ADAMTSL1: variants seen among roughly 807,000 people sequenced by gnomAD.
ADAMTSL1 encodes ADAMTS like 1, also known as ADAMTS-like protein 1.
Under a neutral mutation model 201.8 loss-of-function variants are expected in ADAMTSL1, and 126 were observed. That is an observed-to-expected ratio of 0.62 (90% CI 0.54 to 0.72). The LOEUF (loss-of-function observed/expected upper bound fraction) is 0.72. Among genes scored for constraint, ADAMTSL1 ranks in the 30% least tolerant of loss-of-function variants. The pLI is 0.00. For missense variants in ADAMTSL1, 2,679 were observed against 2,277.8 expected, an observed-to-expected ratio of 1.18 and a Z score of -3.59; for synonymous variants, 1,121 against 903.4, an observed-to-expected ratio of 1.24 and a Z score of -4.32.
At chr9:18,538,002 AAGGAGG>A (rs1005052717) in intron 3 of ADAMTSL1, among the ~76,000 whole-genome samples, 7 of 151,498 alleles carry the variant, frequency 4.6e-5, no homozygotes, top group Non-Finnish European at 7.4e-5. Flanking sequence ...GAAGAAGAAG[AAGGAGG>A]AGGAGGAGGA....
intron 15 of ADAMTSL1, among the ~76,000 whole-genome samples, chr9:18,742,484 G>A (rs1283122442): frequency 6.6e-6 from 1 of 152,208 alleles, no homozygotes; most frequent in Non-Finnish European, 1.5e-5. Context: ...ACTTAGAATA[G>A]CTGTGTAGTA....
At chr9:18,405,297 G>A (rs1269636428) in intron 2 of ADAMTSL1, among the ~76,000 whole-genome samples, 1 of 152,176 alleles carries the variant, frequency 6.6e-6, no homozygotes, top group Non-Finnish European at 1.5e-5. Context: ...CCTCAGCACA[G>A]CTGCTGTGTT....
chr9:18,051,039 C>T (rs569412498), intron 1 of ADAMTSL1, among the ~76,000 whole-genome samples: 2 of 152,302 alleles, frequency 1.3e-5, no homozygotes, highest in South Asian at 2.1e-4. Flanking sequence ...CAGTGGCTCA[C>T]GCCTGTAATC....
chr9:18,903,710 AGGT>A (rs1830133671), intron 26 of ADAMTSL1, among the ~76,000 whole-genome samples: 2 of 99,632 alleles, frequency 2.0e-5, no homozygotes, highest in African/African-American at 8.4e-5. Context: ...TGGTATCCAC[AGGT>A]GATTGATTGG....
chr9:18,282,464 C>A (rs960818559), intron 2 of ADAMTSL1, among the ~76,000 whole-genome samples: 1 of 152,150 alleles, frequency 6.6e-6, no homozygotes, highest in South Asian at 2.1e-4. Flanking sequence ...GTGGGAATTT[C>A]TCAGATTAAT....
chr9:18,111,194 A>G (rs1324193686), intron 1 of ADAMTSL1, among the ~76,000 whole-genome samples: 4 of 152,194 alleles, frequency 2.6e-5, no homozygotes, highest in East Asian at 3.8e-4. Flanking sequence ...CTAACTGTCT[A>G]TGCTATCTTC....
chr9:18,287,322 TAC>T (rs112789682), intron 2 of ADAMTSL1, among the ~76,000 whole-genome samples: 4,206 of 151,904 alleles, frequency 0.028, 155 homozygotes, highest in African/African-American at 0.087. Flanking sequence ...TATGTATGTA[TAC>T]ACACACACAC....
chr9:18,450,351 C>T (rs1002990796), intron 2 of ADAMTSL1, among the ~76,000 whole-genome samples: 6 of 152,062 alleles, frequency 3.9e-5, no homozygotes, highest in Non-Finnish European at 7.4e-5. Flanking sequence ...CTGTATTCAA[C>T]TTATACCTCA....
intron 2 of ADAMTSL1, among the ~76,000 whole-genome samples, chr9:18,419,218 G>A (rs1453439766): frequency 2.0e-5 from 3 of 152,112 alleles, no homozygotes; most frequent in Admixed American, 6.6e-5. Context: ...ATTTATCTAA[G>A]TTCAAAGTGT....
intron 1 of ADAMTSL1, among the ~76,000 whole-genome samples, chr9:18,110,177 C>G (rs957592828): frequency 2.6e-5 from 4 of 152,156 alleles, no homozygotes; most frequent in African/African-American, 4.8e-5. Context: ...CCTGAGGGCT[C>G]CATTTCTCTG....
chr9:18,460,443 G>T (rs1587278576), intron 2 of ADAMTSL1, among the ~76,000 whole-genome samples: 1 of 152,106 alleles, frequency 6.6e-6, no homozygotes, highest in East Asian at 1.9e-4. Context: ...CTCTTTAGTG[G>T]TAAAAGTAGA....
rs1015972753 is a variant in ADAMTSL1 at position 18,599,413 on chromosome 9, G to A, written c.475-22830G>A. ...TATTGAAGGGGTGGGTGCTTAGGAG[G>A]AGGTAGGATCATCTTGTCAGTTTAG... is the stretch of plus-strand genomic sequence containing the variant. On this transcript the variant is annotated intron_variant, in intron 4 of 28. Transcript: ENST00000380548. 5.3e-5 allele frequency among the ~76,000 whole-genome samples: 8 copies of A among 152,300 alleles called. No individual in the cohort carries two copies. In the Middle Eastern group the frequency reaches 0.01, roughly 194 times the overall value.
chr9:18,039,413 C>G (rs749036851), intron 1 of ADAMTSL1, among the ~76,000 whole-genome samples: 1 of 151,930 alleles, frequency 6.6e-6, no homozygotes, highest in Non-Finnish European at 1.5e-5. Context: ...AAAATAATTC[C>G]CCTCTCAAAT....
chr9:18,757,735 C>T (rs1430637566), intron 16 of ADAMTSL1, among the ~76,000 whole-genome samples: 1 of 152,194 alleles, frequency 6.6e-6, no homozygotes, highest in Non-Finnish European at 1.5e-5. Context: ...ACGTTACCCA[C>T]TCAGGTGCTT....
In ADAMTSL1 at chr9:18,905,768, T is replaced by A. The variant is rs2131622613; in HGVS notation, c.4852-14T>A. The A allele has an allele frequency of 6.2e-7, 1 of 1,607,014 alleles. No homozygotes were observed. Among genetic ancestry groups the A allele is most frequent in the East Asian group, 2.2e-5 (1 of 44,722 alleles). ...TGGCTAATGTGCGGTATGTTACCTT[T>A]TTCTGCTTTCCAGTGCAATGGGCCT... is the stretch of plus-strand genomic sequence containing the variant. On this transcript the variant is annotated splice_polypyrimidine_tract_variant and intron_variant, in intron 26 of 28. Coordinates refer to ENST00000380548, the MANE Select transcript of ADAMTSL1 (RefSeq NM_001040272.6).
intron 1 of ADAMTSL1, among the ~76,000 whole-genome samples, chr9:18,478,334 T>C (rs530599515): frequency 2.0e-5 from 3 of 152,256 alleles, no homozygotes; most frequent in Non-Finnish European, 4.4e-5. Flanking sequence ...TCCCCTTTAT[T>C]ATGGCTTACT....
intron 2 of ADAMTSL1, among the ~76,000 whole-genome samples, chr9:18,390,755 G>A (rs1358256834): frequency 6.6e-6 from 1 of 151,642 alleles, no homozygotes; most frequent in African/African-American, 2.4e-5. Flanking sequence ...CACAACTCAG[G>A]ACCCATTCTA....
intron 2 of ADAMTSL1, among the ~76,000 whole-genome samples, chr9:18,207,632 G>A (rs1239125909): frequency 1.3e-5 from 2 of 152,138 alleles, no homozygotes; most frequent in Non-Finnish European, 2.9e-5. Context: ...TGAATCCATG[G>A]TCCGATGCTA....
chr9:18,336,818 T>C (rs576287775), intron 2 of ADAMTSL1, among the ~76,000 whole-genome samples: 2 of 152,216 alleles, frequency 1.3e-5, no homozygotes, highest in Non-Finnish European at 2.9e-5. Flanking sequence ...AAAGATCAGA[T>C]TGTGTTTATA....
Sources: allele counts gnomAD v4.1 joint callset (sites outside exome capture counted in the v4.1 genomes callset), GRCh38; gene constraint gnomAD v4.1.1; transcripts MANE v1.5; gene names NCBI Gene and HGNC (gene_info 2026-07-23, HGNC 2026-07-21).